Variants in TVP23A observed in about 807,000 individuals in gnomAD.
TVP23A encodes the protein Golgi apparatus membrane protein TVP23 homolog A.
In TVP23A, 21 loss-of-function variants were observed where a neutral mutation model predicts 31.7. The observed-to-expected ratio is 0.66, with a 90% CI of 0.47 to 0.95. The LOEUF is 0.95. TVP23A is among the 40% of genes least tolerant of loss of function. The pLI, the probability that TVP23A is intolerant of heterozygous loss-of-function variation, is 0.00. For synonymous variants in TVP23A, 104 were observed against 96.0 expected (o/e 1.08, Z -0.49); for missense variants, 279 against 255.6 (o/e 1.09, Z -0.62).
At chr16:10,808,048 T>C (rs961269880) in intron 2 of TVP23A, among the ~76,000 whole-genome samples, 14 of 152,180 alleles carry the variant, frequency 9.2e-5, no homozygotes. Context: ...GTGTGTGACA[T>C]TGAGCAAGTC....
chr16:10,816,048 C>A (rs1445715869), intron 2 of TVP23A, among the ~76,000 whole-genome samples: 1 of 151,846 alleles, frequency 6.6e-6, no homozygotes, highest in Non-Finnish European at 1.5e-5. Context: ...ATACCAAGAC[C>A]CCATCTCTAC....
chr16:10,799,416 C>G (rs1473896135), intron 2 of TVP23A, among the ~76,000 whole-genome samples: 2 of 152,172 alleles, frequency 1.3e-5, no homozygotes, highest in African/African-American at 4.8e-5. Flanking sequence ...TCACTGCAAC[C>G]TCCGACTCCC....
At position 10,768,965 on chromosome 16, in the gene TVP23A, C is replaced by G; in HGVS notation, c.*137G>C. ...CCAGAGGATTCCACCCCTGTCAAAACACAGCCCTCCCCAGCACAGGACAGG... is the reference window on the plus strand; with the variant it reads ...CCAGAGGATTCCACCCCTGTCAAAAGACAGCCCTCCCCAGCACAGGACAGG... On this transcript the variant is annotated 3_prime_UTR_variant, in exon 8 of 8. Coordinates refer to ENST00000299866, the MANE Select transcript of TVP23A (RefSeq NM_001079512.4). The surrounding 1 kb of genome is among the most constrained non-coding windows in gnomAD (Gnocchi z 4.3). The G allele has an allele frequency of 7.8e-7, 1 of 1,278,972 alleles. No homozygotes were observed. Among genetic ancestry groups the G allele is most frequent in the Non-Finnish European group, 1.1e-6 (1 of 883,872 alleles). The allele number at this position is 1,278,972 out of a possible 1,614,324, so 79.2% of individuals were successfully genotyped here.
Position 10,770,347 on chromosome 16 carries a change from T to G in TVP23A, c.583-16A>C. 6.4e-7 allele frequency: 1 copy of G among 1,550,584 alleles called. No homozygotes were observed. Among genetic ancestry groups the G allele is most frequent in the Non-Finnish European group, 8.7e-7 (1 of 1,146,778 alleles). ...CTGGGCAGGCCTGCAAGGGGAAAAG[T>G]CAACCATGGTTTTCTGTCCTTACAC... On this transcript the variant is annotated splice_polypyrimidine_tract_variant and intron_variant, in intron 6 of 7. Coordinates refer to ENST00000299866, the MANE Select transcript of TVP23A (RefSeq NM_001079512.4).
chr16:10,762,903 A>G (rs1402379352), downstream of TVP23A, among the ~76,000 whole-genome samples: 1 of 151,716 alleles, frequency 6.6e-6, no homozygotes, highest in Non-Finnish European at 1.5e-5. Flanking sequence ...GCATGGGGAG[A>G]ATGGGAGCCT....
chr16:10,793,388 TGCTGGGCCCAG>T (rs532173897), intron 2 of TVP23A, among the ~76,000 whole-genome samples: 36 of 152,268 alleles, frequency 2.4e-4, no homozygotes, highest in East Asian at 1.9e-3. Flanking sequence ...TGCCTCTGGA[TGCTGGGCCCAG>T]GCTGGGCCCT....
chr16:10,769,959 C>T (rs569384894), intron 7 of TVP23A, among the ~76,000 whole-genome samples: 1 of 152,282 alleles, frequency 6.6e-6, no homozygotes, highest in South Asian at 2.1e-4. Flanking sequence ...GAACAAATCC[C>T]CTTGTTCTTT....
At chr16:10,759,278 G>A (rs1013252852), downstream of TVP23A, among the ~76,000 whole-genome samples, 25 of 152,262 alleles carry the variant, frequency 1.6e-4, no homozygotes, top group African/African-American at 4.8e-4. The surrounding 1 kb of genome is among the most constrained non-coding windows in gnomAD (Gnocchi z 4.7). Context: ...CAGGCCCAGC[G>A]GCCATGGGAA....
intron 2 of TVP23A, among the ~76,000 whole-genome samples, chr16:10,789,890 C>T (rs1336197681): frequency 1.3e-5 from 2 of 150,894 alleles, no homozygotes; most frequent in Non-Finnish European, 2.9e-5. Flanking sequence ...CGGGACAACT[C>T]AAAGAGGGGC....
Position 10,766,675 on chromosome 16 carries a change from G to T in TVP23A, c.*2427C>A, listed in dbSNP as rs1455253887. 3.1e-6 allele frequency: 1 copy of T among 326,766 alleles called. No individual in the cohort carries two copies. Among genetic ancestry groups the T allele is most frequent in the Non-Finnish European group, 5.5e-6 (1 of 181,696 alleles). 20.2% of individuals were successfully genotyped at this position (326,766 alleles called of 1,614,324 possible). ...CAAAAAATTGGACAAAACGCACAAAGAAAGGAAGGAAGGAAGGGATTTATT... is the reference window on the plus strand; with the variant it reads ...CAAAAAATTGGACAAAACGCACAAATAAAGGAAGGAAGGAAGGGATTTATT... On this transcript the variant is annotated 3_prime_UTR_variant, in exon 8 of 8. Coordinates refer to ENST00000299866, the MANE Select transcript of TVP23A (RefSeq NM_001079512.4). The surrounding 1 kb of genome is among the most constrained non-coding windows in gnomAD (Gnocchi z 4.8).
At chr16:10,761,833 G>A, downstream of TVP23A, 1 of 1,614,048 alleles carries the variant, frequency 6.2e-7, no homozygotes, top group Non-Finnish European at 8.5e-7. Context: ...CCTCTCCTCG[G>A]CAGAGTGCCC....
At chr16:10,784,247 T>C (rs1276175546) in intron 2 of TVP23A, among the ~76,000 whole-genome samples, 2 of 151,698 alleles carry the variant, frequency 1.3e-5, no homozygotes, top group East Asian at 3.9e-4. Flanking sequence ...GAGAATTGCC[T>C]GAACCCAGGA....
intron 2 of TVP23A, among the ~76,000 whole-genome samples, chr16:10,817,131 C>G (rs1405122431): frequency 6.6e-6 from 1 of 152,194 alleles, no homozygotes; most frequent in Admixed American, 6.5e-5. Context: ...CTGCTGCCAC[C>G]TTGGTTTCAG....
At chr16:10,784,755 A>T (rs1203609372) in intron 2 of TVP23A, among the ~76,000 whole-genome samples, 1 of 152,212 alleles carries the variant, frequency 6.6e-6, no homozygotes. Context: ...AGTATATAAA[A>T]ATTATATGAA....
downstream of TVP23A, among the ~76,000 whole-genome samples, chr16:10,764,243 A>G (rs1245062242): frequency 6.6e-6 from 1 of 152,268 alleles, no homozygotes; most frequent in African/African-American, 2.4e-5. Flanking sequence ...GGAGCATCTT[A>G]GCCTGCTGGA....
intron 2 of TVP23A, among the ~76,000 whole-genome samples, chr16:10,793,542 T>C (rs2142992378): frequency 6.6e-6 from 1 of 152,248 alleles, no homozygotes; most frequent in African/African-American, 2.4e-5. Flanking sequence ...AATTTCTAAC[T>C]TGGCCCATTT....
At chr16:10,757,966 C>T (rs567164251), downstream of TVP23A, 45 of 1,614,096 alleles carry the variant, frequency 2.8e-5, no homozygotes, top group East Asian at 1.1e-4. The surrounding 1 kb of genome is among the most constrained non-coding windows in gnomAD (Gnocchi z 4.1). Context: ...GAACACCTCT[C>T]GGTCGTCCGG....
chr16:10,803,245 C>CTGTGTGTG (rs3040297), intron 2 of TVP23A, among the ~76,000 whole-genome samples: 3,552 of 135,414 alleles, frequency 0.026, 133 homozygotes, highest in African/African-American at 0.071. Context: ...GATCGCGCCA[C>CTGTGTGTG]TGTGTGTGTG....
intron 2 of TVP23A, chr16:10,800,429 T>C (rs1482671853): frequency 6.6e-6 from 1 of 152,134 alleles, no homozygotes; most frequent in African/African-American, 2.4e-5. Flanking sequence ...CTACTAATGG[T>C]TGCAAATATT....
Sources: gnomAD v4.1 joint callset for allele counts (sites outside exome capture counted in the v4.1 genomes callset) on GRCh38, gnomAD v4.1.1 for gene constraint, Gnocchi (gnomAD v3.1) non-coding constraint, MANE v1.5 for transcripts, NCBI Gene and HGNC (gene_info 2026-07-23, HGNC 2026-07-21) for gene names.